The following GLI3 variants were observed in gnomAD, a reference collection of about 807,000 sequenced individuals.
GLI3 encodes the protein transcription activator GLI3.
GLI3 carries 20 observed loss-of-function variants against 100.8 expected under a neutral mutation model. The observed-to-expected ratio is 0.20, with a 90% CI of 0.14 to 0.29. The LOEUF (loss-of-function observed/expected upper bound fraction) is 0.29. Among genes scored for constraint, GLI3 ranks in the 10% least tolerant of loss-of-function variants. The pLI is 1.00. For missense variants in GLI3, 2,040 were observed against 2,128.5 expected, an observed-to-expected ratio of 0.96 and a Z score of 0.82; for synonymous variants, 938 against 860.5, an observed-to-expected ratio of 1.09 and a Z score of -1.58.
intron 3 of GLI3, among the ~76,000 whole-genome samples, chr7:42,136,173 A>G (rs1284995581): frequency 6.6e-6 from 1 of 152,246 alleles, no homozygotes; most frequent in Non-Finnish European, 1.5e-5. Context: ...ATTTCACATA[A>G]TGAATTAAGA....
chr7:42,030,204 C>T (rs1789246219), intron 7 of GLI3, among the ~76,000 whole-genome samples: 1 of 152,168 alleles, frequency 6.6e-6, no homozygotes, highest in South Asian at 2.1e-4. Context: ...CCTCCTCCTC[C>T]TCTGACCCTA....
intron 1 of GLI3, among the ~76,000 whole-genome samples, chr7:42,224,051 C>T (rs1403619217): frequency 6.6e-6 from 1 of 152,218 alleles, no homozygotes; most frequent in Non-Finnish European, 1.5e-5. Context: ...CAGCTAAAGG[C>T]AGGTTCAGTA....
rs559665309 is a variant in GLI3, at chr7:42,105,751, A to T, written c.368-28894T>A. ...TAATAGACTGTGTGTGTCCAGTGCT[A>T]GCCTCGGGGGAACCAGCTCTCCATA... On this transcript the variant is annotated intron_variant, in intron 3 of 14. Transcript: ENST00000395925. Among the ~76,000 whole-genome samples the T allele has an allele frequency of 1.6e-4, 25 of 152,250 alleles. 1 individual carries two copies. In the South Asian group the frequency reaches 4.6e-3, roughly 28 times the overall value.
At chr7:42,236,172 T>C (rs1458161681) in intron 1 of GLI3, among the ~76,000 whole-genome samples, 1 of 151,978 alleles carries the variant, frequency 6.6e-6, no homozygotes, top group African/African-American at 2.4e-5. Context: ...TCACAAACTC[T>C]GCAAGTTTGG....
chr7:42,222,030 C>T (rs956029936), intron 2 of GLI3, among the ~76,000 whole-genome samples: 2 of 152,138 alleles, frequency 1.3e-5, no homozygotes, highest in African/African-American at 4.8e-5. Flanking sequence ...CTCATGAAAC[C>T]GGGTGAAGAA....
intron 7 of GLI3, 124 bp from the exon 8 acceptor site, chr7:42,026,536 G>A: frequency 1.3e-6 from 1 of 784,180 alleles, no homozygotes; most frequent in Non-Finnish European, 2.2e-6. Context: ...AAATGAGAAG[G>A]TAGGATTATT....
At chr7:42,063,213 T>C (rs567625488) in intron 4 of GLI3, among the ~76,000 whole-genome samples, 4 of 152,332 alleles carry the variant, frequency 2.6e-5, no homozygotes, top group Admixed American at 2.0e-4. Context: ...TCCATTATTG[T>C]AACATTTAGG....
intron 2 of GLI3, among the ~76,000 whole-genome samples, chr7:42,207,288 G>A (rs1169938324): frequency 2.6e-5 from 4 of 152,196 alleles, no homozygotes; most frequent in African/African-American, 4.8e-5. Flanking sequence ...TGGATCAACA[G>A]AGCGTTTCTT....
chr7:42,177,525 C>T (rs1332406668), intron 2 of GLI3, among the ~76,000 whole-genome samples: 2 of 152,070 alleles, frequency 1.3e-5, no homozygotes, highest in Non-Finnish European at 2.9e-5. Context: ...GTTTGTGAGC[C>T]CCATCAGTCT....
chr7:42,129,606 C>T (rs938033516), intron 3 of GLI3, among the ~76,000 whole-genome samples: 14 of 152,194 alleles, frequency 9.2e-5, no homozygotes, highest in South Asian at 2.1e-4. Flanking sequence ...GTCAGGAGTA[C>T]AAGACCAGCC....
At chr7:42,069,632 A>G (rs181150937) in intron 4 of GLI3, among the ~76,000 whole-genome samples, 52 of 152,346 alleles carry the variant, frequency 3.4e-4, no homozygotes, top group Middle Eastern at 3.4e-3. Flanking sequence ...ATTGCTCATA[A>G]AAAAGAGAAA....
chr7:42,024,188 T>C (rs1235291335), intron 9 of GLI3, among the ~76,000 whole-genome samples: 1 of 152,202 alleles, frequency 6.6e-6, no homozygotes, highest in Non-Finnish European at 1.5e-5. Context: ...CTCTGATCTC[T>C]AAGGATATGC....
chr7:42,248,286 C>T (rs1788995379), intron 1 of GLI3, among the ~76,000 whole-genome samples: 1 of 152,104 alleles, frequency 6.6e-6, no homozygotes, highest in Non-Finnish European at 1.5e-5. Context: ...AGGGACAGTG[C>T]CATAATCAGG....
rs371567133 is a variant in GLI3, at chr7:41,980,692, AG to A, written c.1498-1945del. Reference sequence around the variant, plus strand: ...TAAGGAAGGAACACAGGAGGGAGAAAGGAAAAGGTAAAATTGGGAAACTGAA... The same window carrying A: ...TAAGGAAGGAACACAGGAGGGAGAAAGAAAAGGTAAAATTGGGAAACTGAA... On this transcript the variant is annotated intron_variant, in intron 10 of 14. Coordinates refer to ENST00000395925, the MANE Select transcript of GLI3 (RefSeq NM_000168.6). Among the ~76,000 whole-genome samples, 81 of 152,262 alleles carry A rather than the reference AG, an allele frequency of 5.3e-4. 1 individual carries two copies. The highest frequency in any genetic ancestry group is 1.9e-3 in the African/African-American group (78 of 41,552).
chr7:41,976,380 A>T (rs775478614), intron 12 of GLI3, among the ~76,000 whole-genome samples: 2 of 152,206 alleles, frequency 1.3e-5, no homozygotes, highest in Non-Finnish European at 2.9e-5. Flanking sequence ...TTTATGAGTG[A>T]GTGTGCTTTT....
In GLI3 at chr7:41,975,627, A is replaced by G. The variant is rs575396301; in HGVS notation, c.1812+1931T>C. The stretch of plus-strand genomic sequence containing the variant: ...CTTTTAATCTTATAACAAACACTCA[A>G]CTCTCACACAACATTGCACTTTTTA... On this transcript the variant is annotated intron_variant, in intron 12 of 14. Coordinates refer to ENST00000395925, the MANE Select transcript of GLI3 (RefSeq NM_000168.6). Among the ~76,000 whole-genome samples the G allele has an allele frequency of 8.5e-5, 13 of 152,328 alleles. No individual in the cohort carries two copies. In the South Asian group the frequency reaches 2.5e-3, roughly 29 times the overall value.
At chr7:42,115,840 T>C (rs1274818393) in intron 3 of GLI3, among the ~76,000 whole-genome samples, 1 of 152,182 alleles carries the variant, frequency 6.6e-6, no homozygotes, top group Non-Finnish European at 1.5e-5. Flanking sequence ...GAGATTTTTA[T>C]TTTCATAGCA....
At chr7:42,240,967 C>T (rs2128708865), upstream of GLI3, among the ~76,000 whole-genome samples, 1 of 152,314 alleles carries the variant, frequency 6.6e-6, no homozygotes, top group Non-Finnish European at 1.5e-5. Context: ...TGCACAGTAG[C>T]ACCCAGTTAA....
At chr7:42,261,222 C>A (rs1554345529) in intron 1 of GLI3, among the ~76,000 whole-genome samples, 1 of 140,684 alleles carries the variant, frequency 7.1e-6, no homozygotes, top group South Asian at 2.3e-4. Context: ...CACACACACA[C>A]AACACACACA....
Sources: allele counts gnomAD v4.1 joint callset (sites outside exome capture counted in the v4.1 genomes callset), GRCh38; gene constraint gnomAD v4.1.1; transcripts MANE v1.5; gene names NCBI Gene and HGNC (gene_info 2026-07-23, HGNC 2026-07-21).